The following LRRTM4 variants were observed in gnomAD, a reference collection of about 807,000 sequenced individuals.
LRRTM4 encodes leucine-rich repeat transmembrane neuronal protein 4.
LRRTM4 carries 25 observed loss-of-function variants against 47.6 expected under a neutral mutation model. The observed-to-expected ratio is 0.53, with a 90% confidence interval of 0.38 to 0.73. The LOEUF (loss-of-function observed/expected upper bound fraction) is 0.73. Among genes scored for constraint, LRRTM4 ranks in the 30% least tolerant of loss-of-function variants. LRRTM4 has a pLI of 0.00. For missense variants in LRRTM4, 638 were observed against 713.4 expected (o/e 0.89, Z 1.20); for synonymous variants, 311 against 269.5 (o/e 1.15, Z -1.51).
intron 3 of LRRTM4, among the ~76,000 whole-genome samples, chr2:77,443,414 A>G (rs955053945): frequency 6.6e-6 from 1 of 152,184 alleles, no homozygotes; most frequent in Admixed American, 6.5e-5. Flanking sequence ...ATGGTAGCCA[A>G]TAAGTATTTT....
intron 3 of LRRTM4, among the ~76,000 whole-genome samples, chr2:77,334,748 A>C (rs13018089): frequency 0.5 from 76,475 of 152,018 alleles, 22,699 homozygotes; most frequent in Non-Finnish European, 0.67. Flanking sequence ...CATTCTCTAC[A>C]ATTTCTATCC....
intron 3 of LRRTM4, among the ~76,000 whole-genome samples, chr2:77,297,807 C>A (rs1677014625): frequency 6.6e-6 from 1 of 152,188 alleles, no homozygotes; most frequent in Non-Finnish European, 1.5e-5. Context: ...TCTTCATGCT[C>A]TTAATTCATC....
At chr2:76,782,551 G>C (rs1009015673) in intron 3 of LRRTM4, among the ~76,000 whole-genome samples, 4 of 152,152 alleles carry the variant, frequency 2.6e-5, no homozygotes, top group African/African-American at 9.7e-5. Context: ...ATTGCTGTTG[G>C]TAATTTTAAG....
intron 3 of LRRTM4, among the ~76,000 whole-genome samples, chr2:76,907,863 C>T (rs183511576): frequency 0.14 from 18,017 of 132,586 alleles, 1,487 homozygotes; most frequent in Admixed American, 0.18. Context: ...AGCTTACCAA[C>T]CGAAAAGAGT....
chr2:77,161,235 T>C (rs1672720006), intron 3 of LRRTM4, among the ~76,000 whole-genome samples: 1 of 152,208 alleles, frequency 6.6e-6, no homozygotes, highest in Non-Finnish European at 1.5e-5. Context: ...GATAGTTTTC[T>C]ACCTTGGTCT....
rs1216375423 is a variant in LRRTM4, at chr2:76,748,608, T to G, written c.*87A>C. On this transcript the variant is annotated 3_prime_UTR_variant, in exon 4 of 4. Transcript: ENST00000409884. Reference sequence around the variant, plus strand: ...AACAGGAACGATGAGCTTGCTCGATTGCGCGATTGTGGACACCCATTCTCC... The same window carrying G: ...AACAGGAACGATGAGCTTGCTCGATGGCGCGATTGTGGACACCCATTCTCC... 6.8e-6 allele frequency: 7 copies of G among 1,034,330 alleles called. No homozygotes were observed. The highest frequency in any genetic ancestry group is 1.6e-5 in the African/African-American group (1 of 63,028). The allele number at this position is 1,034,330 out of a possible 1,614,324, so 64.1% of individuals were successfully genotyped here. A position where few individuals can be genotyped will look rare whatever the true frequency, so the allele number is the denominator to read the frequency against.
At chr2:77,492,211 A>C (rs1317215551) in intron 3 of LRRTM4, among the ~76,000 whole-genome samples, 1 of 152,328 alleles carries the variant, frequency 6.6e-6, no homozygotes, top group East Asian at 1.9e-4. Context: ...AAAATGTTAT[A>C]GAATTTATCC....
intron 3 of LRRTM4, among the ~76,000 whole-genome samples, chr2:77,254,960 T>C (rs917168971): frequency 2.7e-5 from 4 of 147,732 alleles, no homozygotes; most frequent in African/African-American, 9.9e-5. Context: ...TCATTAAACG[T>C]AAATAATCTA....
chr2:76,795,653 G>C (rs1675256620), intron 3 of LRRTM4, among the ~76,000 whole-genome samples: 2 of 151,788 alleles, frequency 1.3e-5, no homozygotes, highest in Admixed American at 1.3e-4. Context: ...TCCATCTCTT[G>C]GCTATTATGA....
intron 3 of LRRTM4, among the ~76,000 whole-genome samples, chr2:77,018,251 C>G (rs1324630413): frequency 3.1e-5 from 2 of 65,180 alleles, no homozygotes; most frequent in African/African-American, 6.4e-5. Flanking sequence ...ATGCTAAGCT[C>G]TTGATTGCTT....
chr2:77,296,865 C>T (rs2104148543), intron 3 of LRRTM4, among the ~76,000 whole-genome samples: 1 of 152,282 alleles, frequency 6.6e-6, no homozygotes, highest in Middle Eastern at 3.4e-3. Context: ...TTCCTGTCCA[C>T]TTTTCTCGTT....
At chr2:77,076,446 T>C (rs1024551037) in intron 3 of LRRTM4, among the ~76,000 whole-genome samples, 1 of 152,098 alleles carries the variant, frequency 6.6e-6, no homozygotes, top group Non-Finnish European at 1.5e-5. Flanking sequence ...ATGCTTGAAA[T>C]ATAGTCAGAG....
chr2:77,392,439 C>T (rs373031369), intron 3 of LRRTM4, among the ~76,000 whole-genome samples: 31 of 152,136 alleles, frequency 2.0e-4, no homozygotes, highest in Non-Finnish European at 3.8e-4. Context: ...TTCACTGAGA[C>T]CTGTCTCAGA....
At position 76,987,715 on chromosome 2, in the gene LRRTM4, T is replaced by G. The variant is rs571636725; in HGVS notation, c.1552-238799A>C. Among the ~76,000 whole-genome samples, 4 of 151,920 alleles carry G rather than the reference T, an allele frequency of 2.6e-5. No homozygotes were observed. The East Asian group carries it at 7.8e-4, about 30-fold the overall frequency. ...GCCTAGGGCTTTGCTCCACACAGTT[T>G]CTCGAACAACCAGTACGACAGAGTC... On this transcript the variant is annotated intron_variant, in intron 3 of 3. Transcript: ENST00000409884.
chr2:77,024,087 CT>C (rs1261588365), intron 3 of LRRTM4, among the ~76,000 whole-genome samples: 1 of 152,146 alleles, frequency 6.6e-6, no homozygotes, highest in African/African-American at 2.4e-5. Context: ...AGGGAGACCC[CT>C]GATAAAACCA....
At position 76,970,138 on chromosome 2, in the gene LRRTM4, TCTTC is replaced by T. The variant is rs565416394; in HGVS notation, c.1552-221226_1552-221223del. 2.6e-4 allele frequency among the ~76,000 whole-genome samples: 39 copies of T among 152,090 alleles called. 1 individual carries two copies. In the South Asian group the frequency reaches 5.8e-3, roughly 23 times the overall value. On this transcript the variant is annotated intron_variant, in intron 3 of 3. Coordinates refer to ENST00000409884, the MANE Select transcript of LRRTM4 (RefSeq NM_001134745.3). ...TTTAATCCTCAGACACACAATACAA[TCTTC>T]CTTCCATGATATGTAAAATGGTTCC... is the stretch of plus-strand genomic sequence containing the variant.
intron 3 of LRRTM4, among the ~76,000 whole-genome samples, chr2:76,993,518 C>T (rs1447265511): frequency 2.0e-5 from 3 of 151,878 alleles, no homozygotes; most frequent in African/African-American, 7.2e-5. Context: ...TCCAACATTA[C>T]TAATAATCGG....
chr2:77,438,485 C>T (rs866986398), intron 3 of LRRTM4, among the ~76,000 whole-genome samples: 20 of 147,336 alleles, frequency 1.4e-4, no homozygotes, highest in African/African-American at 3.8e-4. Context: ...CGGCTCACTG[C>T]GCGCTCCGCC....
intron 3 of LRRTM4, among the ~76,000 whole-genome samples, chr2:77,481,805 G>A (rs951166964): frequency 6.6e-6 from 1 of 151,866 alleles, no homozygotes; most frequent in East Asian, 1.9e-4. Context: ...AAAGGATGAA[G>A]GCAACAGCTT....
Sources: gnomAD v4.1 joint callset for allele counts (sites outside exome capture counted in the v4.1 genomes callset) on GRCh38, gnomAD v4.1.1 for gene constraint, MANE v1.5 for transcripts, NCBI Gene and HGNC (gene_info 2026-07-23, HGNC 2026-07-21) for gene names.